TAFA1: variants seen among roughly 807,000 people sequenced by gnomAD.
TAFA1 encodes TAFA chemokine like family member 1, also known as chemokine-like protein TAFA-1.
A neutral mutation model predicts 18.5 loss-of-function variants in TAFA1; 4 were observed. The ratio of observed to expected loss-of-function variants is 0.22; its 90% CI spans 0.11 to 0.49. The LOEUF (loss-of-function observed/expected upper bound fraction) is 0.49. Ranked by LOEUF, TAFA1 falls within the 20% of genes least tolerant of loss-of-function variation. The probability of loss-of-function intolerance (pLI) is 0.98; values close to 1 mark genes in which losing one functional copy is unlikely to be tolerated. For synonymous variants in TAFA1, 56 were observed against 55.2 expected (o/e 1.01, Z -0.06); for missense variants, 147 against 169.0 (o/e 0.87, Z 0.72).
chr3:68,158,873 G>A (rs1453846004), intron 2 of TAFA1, among the ~76,000 whole-genome samples: 1 of 152,158 alleles, frequency 6.6e-6, no homozygotes, highest in Non-Finnish European at 1.5e-5. Context: ...AGAAATTCTT[G>A]TAGTTTGAAT....
At chr3:68,399,757 G>A (rs987674851) in intron 2 of TAFA1, among the ~76,000 whole-genome samples, 3 of 152,142 alleles carry the variant, frequency 2.0e-5, no homozygotes, top group African/African-American at 4.8e-5. Context: ...TCTACTCAAT[G>A]AGGTACATAG....
intron 2 of TAFA1, among the ~76,000 whole-genome samples, chr3:68,329,627 C>A (rs1229753192): frequency 6.6e-6 from 1 of 152,180 alleles, no homozygotes; most frequent in African/African-American, 2.4e-5. Flanking sequence ...TTAATGCCCA[C>A]AGTCTCATAT....
At chr3:68,541,828 G>A (rs545867430) in intron 4 of TAFA1, among the ~76,000 whole-genome samples, 1 of 152,186 alleles carries the variant, frequency 6.6e-6, no homozygotes, top group South Asian at 2.1e-4. Context: ...ATCTTTTGTA[G>A]GTTACTTCCA....
At chr3:68,413,934 G>A (rs2070764181) in intron 2 of TAFA1, among the ~76,000 whole-genome samples, 1 of 152,066 alleles carries the variant, frequency 6.6e-6, no homozygotes, top group African/African-American at 2.4e-5. Flanking sequence ...ACCCTCATGG[G>A]GTACATGCCT....
chr3:68,425,941 G>A (rs911745882), intron 3 of TAFA1, among the ~76,000 whole-genome samples: 2 of 151,870 alleles, frequency 1.3e-5, no homozygotes, highest in African/African-American at 4.8e-5. Context: ...GCTCTGACAG[G>A]TTGATGTTCC....
intron 3 of TAFA1, among the ~76,000 whole-genome samples, chr3:68,481,700 G>A (rs957035730): frequency 1.2e-4 from 18 of 152,138 alleles, no homozygotes; most frequent in African/African-American, 4.3e-4. Context: ...ACAATTCCTA[G>A]CACATAGGCA....
In TAFA1 at chr3:68,093,742, C is replaced by G. The variant is rs529253662; in HGVS notation, c.118+86998C>G. On this transcript the variant is annotated intron_variant, in intron 2 of 4. Transcript: ENST00000478136. ...ATCAATATATCTTGTGTTTTTATTA[C>G]TCCCCCTGAGGATTGGCTACCAAAG... Among the ~76,000 whole-genome samples, 4 of 145,132 alleles carry G rather than the reference C, an allele frequency of 2.8e-5. No individual in the cohort carries two copies. In the Admixed American group the frequency reaches 2.9e-4, roughly 10 times the overall value.
intron 3 of TAFA1, among the ~76,000 whole-genome samples, chr3:68,476,284 AC>A (rs1468932188): frequency 6.6e-6 from 1 of 152,202 alleles, no homozygotes; most frequent in Non-Finnish European, 1.5e-5. Context: ...AAAGGTCCTG[AC>A]CTTAAGCTGT....
intron 3 of TAFA1, among the ~76,000 whole-genome samples, chr3:68,494,858 T>C (rs980927907): frequency 8.5e-5 from 13 of 152,192 alleles, no homozygotes; most frequent in African/African-American, 2.4e-4. Flanking sequence ...CTGGCACAAA[T>C]AATGTGCTTT....
intron 2 of TAFA1, among the ~76,000 whole-genome samples, chr3:68,248,464 T>C (rs1254602098): frequency 6.6e-6 from 1 of 151,870 alleles, no homozygotes; most frequent in Non-Finnish European, 1.5e-5. Context: ...AGATAAACCA[T>C]TTGGAGGAAA....
At chr3:68,460,625 A>G (rs1443762463) in intron 3 of TAFA1, among the ~76,000 whole-genome samples, 1 of 152,182 alleles carries the variant, frequency 6.6e-6, no homozygotes, top group African/African-American at 2.4e-5. Context: ...CCTTCCTAAG[A>G]GTGGAACCCA....
intron 2 of TAFA1, among the ~76,000 whole-genome samples, chr3:68,018,847 A>C (rs991624264): frequency 2.0e-4 from 30 of 152,224 alleles, no homozygotes; most frequent in African/African-American, 6.3e-4. Context: ...GAGTTTTGCC[A>C]GCTTCTGAAT....
chr3:68,064,981 C>G (rs924929072), intron 2 of TAFA1, among the ~76,000 whole-genome samples: 1 of 151,986 alleles, frequency 6.6e-6, no homozygotes, highest in African/African-American at 2.4e-5. Flanking sequence ...CCTCCTAGAG[C>G]TATGGGTTCA....
chr3:68,493,403 G>T (rs1175171941), intron 3 of TAFA1, among the ~76,000 whole-genome samples: 1 of 152,112 alleles, frequency 6.6e-6, no homozygotes, highest in Non-Finnish European at 1.5e-5. Flanking sequence ...GGACACTTGG[G>T]TTGCTACTAC....
Position 68,538,741 on chromosome 3 carries a change from C to T in TAFA1, c.260-15C>T, listed in dbSNP as rs1275145221. The T allele has an allele frequency of 3.1e-6, 5 of 1,612,550 alleles. No individual in the cohort carries two copies. Among genetic ancestry groups the T allele is most frequent in the East Asian group, 2.2e-5 (1 of 44,834 alleles). ...GGATGAATTGCAAACACAGTTGTTT[C>T]CTGTTTCTGCACAGCCTCCATAGTG... is the stretch of plus-strand genomic sequence containing the variant. On this transcript the variant is annotated splice_polypyrimidine_tract_variant and intron_variant, in intron 3 of 4. Transcript: ENST00000478136.
chr3:68,392,888 T>C (rs6762417), intron 2 of TAFA1, among the ~76,000 whole-genome samples: 4,575 of 152,150 alleles, frequency 0.03, 95 homozygotes, highest in East Asian at 0.092. Flanking sequence ...GCGCTAAATG[T>C]CCACATGAGA....
In TAFA1 at chr3:68,521,856, G is replaced by GTTTTTTTTTT. The variant is rs57372768; in HGVS notation, c.260-16889_260-16880dup. Reference sequence around the variant, plus strand: ...TCTGGGTTTTTCTGTGTTTTTTTCTGTTTTTTTTTTTTTTTTTTTTGGAGA... The same window carrying GTTTTTTTTTT: ...TCTGGGTTTTTCTGTGTTTTTTTCTGTTTTTTTTTTTTTTTTTTTTTTTTTTTTTTGGAGA... On this transcript the variant is annotated intron_variant, in intron 3 of 4. Transcript: ENST00000478136. Among the ~76,000 whole-genome samples the GTTTTTTTTTT allele has an allele frequency of 5.4e-3, 381 of 70,836 alleles. 47 individuals carry two copies. The highest frequency in any genetic ancestry group is 0.01 in the East Asian group (19 of 1,844). The allele number at this position is 70,836 out of a possible 152,430, so 46.5% of individuals were successfully genotyped here. A position where few individuals can be genotyped will look rare whatever the true frequency, so the allele number is the denominator to read the frequency against.
chr3:68,146,631 A>G (rs1046746852), intron 2 of TAFA1, among the ~76,000 whole-genome samples: 1 of 152,210 alleles, frequency 6.6e-6, no homozygotes, highest in African/African-American at 2.4e-5. Context: ...TTACTCTAGA[A>G]TTCCCCTTAA....
In TAFA1 at chr3:68,019,765, A is replaced by AAAC. The variant is rs371175020; in HGVS notation, c.118+13040_118+13042dup. 3.8e-4 allele frequency among the ~76,000 whole-genome samples: 58 copies of AAAC among 151,986 alleles called. 1 individual carries two copies. Among genetic ancestry groups the AAAC allele is most frequent in the South Asian group, 3.5e-3 (17 of 4,816 alleles). ...TCCAATTCTTGTCATCATCAAAAAC[A>AAAC]AACAACAACAACAACAACAACGAAA... On this transcript the variant is annotated intron_variant, in intron 2 of 4. Transcript: ENST00000478136.
Sources: gnomAD v4.1 joint callset for allele counts (sites outside exome capture counted in the v4.1 genomes callset) on GRCh38, gnomAD v4.1.1 for gene constraint, MANE v1.5 for transcripts, NCBI Gene and HGNC (gene_info 2026-07-23, HGNC 2026-07-21) for gene names.